The following C1orf116 variants were observed in gnomAD, a reference collection of about 807,000 sequenced individuals.
C1orf116 encodes the protein specifically androgen-regulated gene protein.
C1orf116 carries 12 observed loss-of-function variants against 14.1 expected under a neutral mutation model. The ratio of observed to expected loss-of-function variants is 0.85; its 90% CI spans 0.54 to 1.38. C1orf116 has a LOEUF of 1.38. Among genes scored for constraint, C1orf116 ranks in the 40% most tolerant of loss-of-function variants. The pLI, the probability that C1orf116 is intolerant of heterozygous loss-of-function variation, is 0.00. For synonymous variants in C1orf116, 296 were observed against 299.0 expected (o/e 0.99, Z 0.10); for missense variants, 797 against 747.0 (o/e 1.07, Z -0.78).
chr1:207,023,637 G>C (rs563527719), intron 3 of C1orf116, among the ~76,000 whole-genome samples, 157 bp from the exon 4 acceptor site: 2 of 152,180 alleles, frequency 1.3e-5, no homozygotes, highest in African/African-American at 4.8e-5. Context: ...GCTTTTACAA[G>C]AGCAGCACTT....
chr1:207,022,391 G>T lies in C1orf116; in HGVS notation c.1373C>A (p.Pro458Gln), dbSNP rs148840253. The change falls in exon 4 of 4, where the codon CCG (proline) becomes CAG (glutamine). Residue 458 changes from proline (P) to glutamine (Q), a missense_variant. By Grantham distance (76) the Pro-to-Gln change is moderately conservative. Coordinates refer to ENST00000359470, the MANE Select transcript of C1orf116 (RefSeq NM_023938.6). ...APRANSALTP[P>Q]KPESGLTLQE... ...GAGAGTCAGCCCTGACTCTGGCTTC[G>T]GTGGAGTCAGGGCACTGTTTGCCCT... 1 of 1,614,144 alleles carries T rather than the reference G, an allele frequency of 6.2e-7. No individual in the cohort carries two copies. The highest frequency in any genetic ancestry group is 1.1e-5 in the South Asian group (1 of 91,050).
Position 207,027,564 on chromosome 1 carries a change from C to T in C1orf116, c.35G>A (p.Gly12Asp). Reference sequence around the variant, plus strand: ...GCCGACACGGGTCACGGGTTCTGAGCCAGTCCCCGCTGGCCACAGCTCCCT... The same window carrying T: ...GCCGACACGGGTCACGGGTTCTGAGTCAGTCCCCGCTGGCCACAGCTCCCT... Reference protein sequence around the residue: ...PERELWPAGTGSEPVTRVGSC... With the variant: ...PERELWPAGTDSEPVTRVGSC... Residue 12 changes from glycine to aspartate, a missense_variant, in exon 2 of 4, where the codon GGC (glycine) becomes GAC (aspartate). By Grantham distance (94) the Gly-to-Asp change is moderately conservative. Transcript: ENST00000359470. The T allele has an allele frequency of 6.2e-7, 1 of 1,613,446 alleles. No individual in the cohort carries two copies. The highest frequency in any genetic ancestry group is 8.5e-7 in the Non-Finnish European group (1 of 1,180,026).
In C1orf116 at chr1:207,021,876, G is replaced by A; in HGVS notation, c.*82C>T. 1 of 1,385,098 alleles carries A rather than the reference G, an allele frequency of 7.2e-7. No individual in the cohort carries two copies. Among genetic ancestry groups the A allele is most frequent in the East Asian group, 2.4e-5 (1 of 42,428 alleles). 85.8% of individuals were successfully genotyped at this position (1,385,098 alleles called of 1,614,324 possible). A position where few individuals can be genotyped will look rare whatever the true frequency, so the allele number is the denominator to read the frequency against. On this transcript the variant is annotated 3_prime_UTR_variant, in exon 4 of 4. Transcript: ENST00000359470. ...CCCTCCCATTCATCTTGAGCCCTGA[G>A]TTGCGTGGTGGCAAAGGCTCCCAAG...
At chr1:207,025,250 A>G (rs1682044402) in intron 2 of C1orf116, among the ~76,000 whole-genome samples, 186 bp from the exon 3 acceptor site, 1 of 152,196 alleles carries the variant, frequency 6.6e-6, no homozygotes, top group Admixed American at 6.5e-5. Context: ...CTACTCTGCA[A>G]AGCTGCTGGA....
rs1681840418 is a variant in C1orf116 at position 207,021,396 on chromosome 1, C to T, written c.*562G>A. 6.6e-6 allele frequency: 1 copy of T among 152,590 alleles called. No homozygotes were observed. The highest frequency in any genetic ancestry group is 2.1e-4 in the South Asian group (1 of 4,816). 9.5% of individuals were successfully genotyped at this position (152,590 alleles called of 1,614,324 possible). A position where few individuals can be genotyped will look rare whatever the true frequency, so the allele number is the denominator to read the frequency against. On this transcript the variant is annotated 3_prime_UTR_variant, in exon 4 of 4. Transcript: ENST00000359470. The stretch of plus-strand genomic sequence containing the variant: ...GAGAGGGCAGTGGGTGAAGAGATAA[C>T]GAATCAGCTCCTCTTAGCCCAGGCC...
chr1:207,031,053 C>T (rs149629463), intron 1 of C1orf116, among the ~76,000 whole-genome samples: 2 of 152,302 alleles, frequency 1.3e-5, no homozygotes, highest in East Asian at 1.9e-4. Context: ...CCTCCTCCCA[C>T]GAACCCCCCA....
intron 3 of C1orf116, among the ~76,000 whole-genome samples, chr1:207,024,542 G>T (rs528169287): frequency 6.6e-5 from 10 of 152,308 alleles, no homozygotes; most frequent in African/African-American, 2.4e-4. Flanking sequence ...GACTGACTCA[G>T]TCTCTCCAGA....
chr1:207,024,366 C>T (rs1451959232), intron 3 of C1orf116, among the ~76,000 whole-genome samples: 2 of 152,258 alleles, frequency 1.3e-5, no homozygotes, highest in Non-Finnish European at 2.9e-5. Flanking sequence ...ACAGTCATGG[C>T]CACACTTGTG....
chr1:207,032,376 C>T (rs188217739), intron 1 of C1orf116, among the ~76,000 whole-genome samples: 1 of 152,314 alleles, frequency 6.6e-6, no homozygotes, highest in Admixed American at 6.5e-5. Flanking sequence ...CTCCCAGCCC[C>T]AGTCTCCACA....
In C1orf116 at chr1:207,029,367, G is replaced by C. The variant is rs565566972; in HGVS notation, c.-81-1688C>G. ...CTCTTAGGGTTTCTTCATGAGGTTA[G>C]CTCCCCAATACCCAGAAGCTCAAAG... On this transcript the variant is annotated intron_variant, in intron 1 of 3. Coordinates refer to ENST00000359470, the MANE Select transcript of C1orf116 (RefSeq NM_023938.6). Among the ~76,000 whole-genome samples, 97 of 152,242 alleles carry C rather than the reference G, an allele frequency of 6.4e-4. 1 individual carries two copies. The highest frequency in any genetic ancestry group is 1.5e-3 in the African/African-American group (62 of 41,514).
At chr1:207,024,706 G>C (rs561658922) in intron 3 of C1orf116, among the ~76,000 whole-genome samples, 181 bp downstream of exon 3, 2 of 152,218 alleles carry the variant, frequency 1.3e-5, no homozygotes, top group African/African-American at 4.8e-5. Flanking sequence ...CTTGCCAGGG[G>C]TCCCTCCTTC....
At position 207,019,053 on chromosome 1, in the gene C1orf116, A is replaced by G. The variant is rs928340545; in HGVS notation, c.*2905T>C. 6.6e-6 allele frequency: 1 copy of G among 152,342 alleles called. No homozygotes were observed. The highest frequency in any genetic ancestry group is 1.5e-5 in the Non-Finnish European group (1 of 68,120). The allele number at this position is 152,342 out of a possible 1,614,324, so 9.4% of individuals were successfully genotyped here. The stretch of plus-strand genomic sequence containing the variant: ...CTTTCTCCATGAAACGAACGTCAAC[A>G]TTCACACAGCAGCCCATCCCCAGCC... On this transcript the variant is annotated 3_prime_UTR_variant, in exon 4 of 4. Coordinates refer to ENST00000359470, the MANE Select transcript of C1orf116 (RefSeq NM_023938.6).
chr1:207,022,980 G>T lies in C1orf116; in HGVS notation c.784C>A (p.Pro262Thr), dbSNP rs1368239327. Reference sequence around the variant, plus strand: ...GGCAACCCTGCAGGAGGAGGCTGGGGTTGTGTGTACCTGGTTGAGACTGTT... The same window carrying T: ...GGCAACCCTGCAGGAGGAGGCTGGGTTTGTGTGTACCTGGTTGAGACTGTT... ...KETVSTRYTQ[P>T]QPPPAGLPQN... Residue 262 changes from proline to threonine, a missense_variant, in exon 4 of 4, where the codon CCC becomes ACC. Coordinates refer to ENST00000359470, the MANE Select transcript of C1orf116 (RefSeq NM_023938.6). 2 of 1,614,138 alleles carry T rather than the reference G, an allele frequency of 1.2e-6. No homozygotes were observed. Among genetic ancestry groups the T allele is most frequent in the Non-Finnish European group, 1.7e-6 (2 of 1,180,030 alleles).
At chr1:207,032,306 T>C (rs1029174351) in intron 1 of C1orf116, among the ~76,000 whole-genome samples, 1 of 152,244 alleles carries the variant, frequency 6.6e-6, no homozygotes, top group Non-Finnish European at 1.5e-5. Flanking sequence ...TATTTTCTTT[T>C]TCTTGTTGTT....
In C1orf116 at chr1:207,020,853, T is replaced by A. The variant is rs1459789749; in HGVS notation, c.*1105A>T. 6.6e-6 allele frequency: 1 copy of A among 151,872 alleles called. No homozygotes were observed. The highest frequency in any genetic ancestry group is 1.5e-5 in the Non-Finnish European group (1 of 67,956). 9.4% of individuals were successfully genotyped at this position (151,872 alleles called of 1,614,324 possible). On this transcript the variant is annotated 3_prime_UTR_variant, in exon 4 of 4. Coordinates refer to ENST00000359470, the MANE Select transcript of C1orf116 (RefSeq NM_023938.6). ...GAGAGGTGGCAGCATGCAACAAGGG[T>A]AAGAACCTCAGCTCTTTCCCTAAAT... is the stretch of plus-strand genomic sequence containing the variant.
rs922250163 is a variant in C1orf116 at position 207,027,696 on chromosome 1, C to A, written c.-81-17G>T. ...AAGCCGGGCCTGAAAAGAGAAGAAT[C>A]AAAGCCACACATGAGCCGAGGCTTC... On this transcript the variant is annotated splice_polypyrimidine_tract_variant and intron_variant, in intron 1 of 3. Coordinates refer to ENST00000359470, the MANE Select transcript of C1orf116 (RefSeq NM_023938.6). The A allele has an allele frequency of 1.6e-5, 24 of 1,533,102 alleles. No individual in the cohort carries two copies. Among genetic ancestry groups the A allele is most frequent in the Admixed American group, 1.3e-4 (7 of 52,414 alleles). The allele number at this position is 1,533,102 out of a possible 1,614,324, so 95.0% of individuals were successfully genotyped here. A position where few individuals can be genotyped will look rare whatever the true frequency, so the allele number is the denominator to read the frequency against.
rs529972966 is a variant in C1orf116, at chr1:207,027,573, G to T, written c.26C>A (p.Ala9Glu). MPERELWP[A>E]GTGSEPVTRV... ...GGTCACGGGTTCTGAGCCAGTCCCC[G>T]CTGGCCACAGCTCCCTCTCGGGCAT... Residue 9 changes from alanine to glutamate, a missense_variant, in exon 2 of 4, where the codon GCG (alanine) becomes GAG (glutamate). Ala to Glu is a moderately radical substitution (Grantham distance 107, BLOSUM62 -1). Transcript: ENST00000359470. 24 of 1,613,128 alleles carry T rather than the reference G, an allele frequency of 1.5e-5. No individual in the cohort carries two copies. In the Middle Eastern group the frequency reaches 4.9e-4, roughly 33 times the overall value.
In C1orf116 at chr1:207,027,571, C is replaced by G; in HGVS notation, c.28G>C (p.Gly10Arg). 6.2e-7 allele frequency: 1 copy of G among 1,613,364 alleles called. No homozygotes were observed. Among genetic ancestry groups the G allele is most frequent in the Non-Finnish European group, 8.5e-7 (1 of 1,180,024 alleles). Reference sequence around the variant, plus strand: ...CGGGTCACGGGTTCTGAGCCAGTCCCCGCTGGCCACAGCTCCCTCTCGGGC... The same window carrying G: ...CGGGTCACGGGTTCTGAGCCAGTCCGCGCTGGCCACAGCTCCCTCTCGGGC... Reference protein sequence around the residue: MPERELWPAGTGSEPVTRVG... With the variant: MPERELWPARTGSEPVTRVG... The change falls in exon 2 of 4, where the codon GGG (glycine) becomes CGG (arginine). Residue 10 changes from glycine (G) to arginine (R), a missense_variant. Physicochemically the swap from Gly to Arg is moderately radical, Grantham distance 125. Coordinates refer to ENST00000359470, the MANE Select transcript of C1orf116 (RefSeq NM_023938.6).
At chr1:207,024,850 G>T in intron 3 of C1orf116, 37 bp downstream of exon 3, 1 of 1,595,336 alleles carries the variant, frequency 6.3e-7, no homozygotes, top group Non-Finnish European at 8.6e-7. Flanking sequence ...GATTTTCTGG[G>T]TTTTGCTGGG....
Sources: allele counts gnomAD v4.1 joint callset (sites outside exome capture counted in the v4.1 genomes callset), GRCh38; gene constraint gnomAD v4.1.1; transcripts MANE v1.5; gene names NCBI Gene and HGNC (gene_info 2026-07-23, HGNC 2026-07-21).